Variants in ADAMTS17 observed in about 807,000 individuals in gnomAD.
ADAMTS17 encodes the protein ADAM metallopeptidase with thrombospondin type 1 motif 17, also known as A disintegrin and metalloproteinase with thrombospondin motifs 17.
In ADAMTS17, 113 loss-of-function variants were observed where a neutral mutation model predicts 141.5. That is an observed-to-expected ratio of 0.80 (90% CI 0.69 to 0.93). The LOEUF is 0.93. ADAMTS17 is among the 40% of genes least tolerant of loss of function. The probability of loss-of-function intolerance (pLI) is 0.00; values close to 1 mark genes in which losing one functional copy is unlikely to be tolerated. For synonymous variants in ADAMTS17, 768 were observed against 630.6 expected (o/e 1.22, Z -3.27); for missense variants, 1,659 against 1,517.9 (o/e 1.09, Z -1.54).
chr15:100,134,159 C>T (rs935394378), intron 10 of ADAMTS17, among the ~76,000 whole-genome samples: 1 of 152,198 alleles, frequency 6.6e-6, no homozygotes, highest in African/African-American at 2.4e-5. Context: ...TAACTCCCCA[C>T]CCGCCCAGGG....
At chr15:100,238,480 T>G (rs112251500) in intron 7 of ADAMTS17, among the ~76,000 whole-genome samples, 1 of 152,202 alleles carries the variant, frequency 6.6e-6, no homozygotes, top group African/African-American at 2.4e-5. Flanking sequence ...TGAGTATGAA[T>G]GACGGAAAAG....
chr15:100,265,303 C>T (rs1355494045), intron 4 of ADAMTS17, among the ~76,000 whole-genome samples: 1 of 152,220 alleles, frequency 6.6e-6, no homozygotes, highest in African/African-American at 2.4e-5. Context: ...GTAACAAAGT[C>T]TCGTCTTCTT....
At chr15:100,320,517 A>G (rs1450397602) in intron 3 of ADAMTS17, among the ~76,000 whole-genome samples, 1 of 152,192 alleles carries the variant, frequency 6.6e-6, no homozygotes, top group Non-Finnish European at 1.5e-5. Context: ...AGGATTCCAC[A>G]TTTGGATAAA....
chr15:100,159,895 T>G (rs2039609639), intron 8 of ADAMTS17, among the ~76,000 whole-genome samples: 1 of 152,196 alleles, frequency 6.6e-6, no homozygotes, highest in Admixed American at 6.5e-5. Flanking sequence ...AAGGAACGTT[T>G]TGCCTCTTTA....
intron 7 of ADAMTS17, among the ~76,000 whole-genome samples, chr15:100,233,516 A>T (rs1717954515): frequency 6.6e-6 from 1 of 152,120 alleles, no homozygotes; most frequent in African/African-American, 2.4e-5. Flanking sequence ...AAATATGTTT[A>T]AATGTTTTGA....
intron 8 of ADAMTS17, among the ~76,000 whole-genome samples, chr15:100,163,074 A>G (rs1336899868): frequency 6.7e-6 from 1 of 149,188 alleles, no homozygotes; most frequent in Non-Finnish European, 1.5e-5. Flanking sequence ...ATGTGTATAC[A>G]TATAACTATA....
At chr15:100,193,830 T>A (rs1018694504) in intron 8 of ADAMTS17, among the ~76,000 whole-genome samples, 2 of 152,138 alleles carry the variant, frequency 1.3e-5, no homozygotes, top group African/African-American at 4.8e-5. Flanking sequence ...GAAGCAAGGG[T>A]GCAGGGACGG....
intron 18 of ADAMTS17, among the ~76,000 whole-genome samples, chr15:100,025,672 C>T (rs1327921616): frequency 6.6e-6 from 1 of 152,126 alleles, no homozygotes; most frequent in Admixed American, 6.5e-5. Context: ...CCTCGGCCTC[C>T]CAAAGTGCTG....
chr15:100,311,345 C>G (rs2045398857), intron 3 of ADAMTS17, among the ~76,000 whole-genome samples: 1 of 152,236 alleles, frequency 6.6e-6, no homozygotes, highest in Non-Finnish European at 1.5e-5. Flanking sequence ...GCTCACTCAG[C>G]CGCCTGGCCC....
At position 100,341,253 on chromosome 15, in the gene ADAMTS17, C is replaced by T. The variant is rs918722986; in HGVS notation, c.236G>A (p.Arg79His). The change falls in exon 2 of 22, where the codon CGC (arginine) becomes CAC (histidine). Residue 79 changes from arginine (R) to histidine (H), a missense_variant. By Grantham distance (29) the Arg-to-His change is conservative. Coordinates refer to ENST00000268070, the MANE Select transcript of ADAMTS17 (RefSeq NM_139057.4). ...GGCCGGCAGGTGCAGCAGCAGGGCGCGCTCTCCGGGCCGGGCGCGCGGGGC... is the reference window on the plus strand; with the variant it reads ...GGCCGGCAGGTGCAGCAGCAGGGCGTGCTCTCCGGGCCGGGCGCGCGGGGC... ...PAAPRARPGE[R>H]ALLLHLPAFG... 7.4e-7 allele frequency: 1 copy of T among 1,348,642 alleles called. No homozygotes were observed. Among genetic ancestry groups the T allele is most frequent in the East Asian group, 3.4e-5 (1 of 29,286 alleles). The allele number at this position is 1,348,642 out of a possible 1,614,324, so 83.5% of individuals were successfully genotyped here.
At chr15:100,202,701 C>T (rs1048292566) in intron 7 of ADAMTS17, among the ~76,000 whole-genome samples, 1 of 152,214 alleles carries the variant, frequency 6.6e-6, no homozygotes, top group African/African-American at 2.4e-5. Flanking sequence ...ATACCCCCAC[C>T]GTCTCAGGCT....
intron 13 of ADAMTS17, among the ~76,000 whole-genome samples, chr15:100,115,942 T>C (rs1021204866): frequency 1.3e-5 from 2 of 152,178 alleles, no homozygotes; most frequent in African/African-American, 4.8e-5. Context: ...TGGCCTCTTG[T>C]CAGCTGCAGG....
intron 19 of ADAMTS17, among the ~76,000 whole-genome samples, chr15:99,994,884 T>C (rs1454005910): frequency 5.9e-5 from 9 of 152,376 alleles, no homozygotes; most frequent in Middle Eastern, 3.4e-3. Context: ...ACGAATTCAA[T>C]TCAGCTCTTT....
At chr15:100,296,288 A>T (rs2044808739) in intron 3 of ADAMTS17, among the ~76,000 whole-genome samples, 1 of 152,082 alleles carries the variant, frequency 6.6e-6, no homozygotes, top group South Asian at 2.1e-4. Context: ...AAAGCAAAAG[A>T]TCTGTTTATA....
At chr15:100,236,294 A>AAAC (rs1247149050) in intron 7 of ADAMTS17, among the ~76,000 whole-genome samples, 2 of 151,180 alleles carry the variant, frequency 1.3e-5, no homozygotes, top group South Asian at 2.1e-4. Flanking sequence ...AAAAAAAAAA[A>AAAC]AAAAAACCCT....
chr15:100,157,747 G>A (rs2039501579), intron 8 of ADAMTS17, among the ~76,000 whole-genome samples: 1 of 148,926 alleles, frequency 6.7e-6, no homozygotes, highest in African/African-American at 2.5e-5. Flanking sequence ...CAGACTGCTT[G>A]GCAGAATGGC....
intron 18 of ADAMTS17, 142 bp downstream of exon 18, chr15:100,048,715 A>C: frequency 7.7e-7 from 1 of 1,305,518 alleles, no homozygotes; most frequent in South Asian, 1.3e-5. Context: ...TGGTAATTTG[A>C]GCAAGCGGAA....
intron 18 of ADAMTS17, among the ~76,000 whole-genome samples, chr15:100,019,592 G>T (rs1030720852): frequency 6.6e-6 from 1 of 152,182 alleles, no homozygotes; most frequent in African/African-American, 2.4e-5. Context: ...CCACACCTGC[G>T]CTCCAGCCCA....
chr15:100,154,809 G>A (rs974952189), intron 9 of ADAMTS17, among the ~76,000 whole-genome samples: 2 of 152,018 alleles, frequency 1.3e-5, no homozygotes, highest in Admixed American at 6.6e-5. Flanking sequence ...CTAGGCAAGC[G>A]GCCTTCATCT....
Sources: gnomAD v4.1 joint callset for allele counts (sites outside exome capture counted in the v4.1 genomes callset) on GRCh38, gnomAD v4.1.1 for gene constraint, MANE v1.5 for transcripts, NCBI Gene and HGNC (gene_info 2026-07-23, HGNC 2026-07-21) for gene names.